The following RBFOX1 variants were observed in gnomAD, a reference collection of about 807,000 sequenced individuals.
RBFOX1 encodes RNA binding protein fox-1 homolog 1.
RBFOX1 carries 8 observed loss-of-function variants against 57.7 expected under a neutral mutation model. The ratio of observed to expected loss-of-function variants is 0.14; its 90% CI spans 0.08 to 0.25. The LOEUF is 0.25. Among genes scored for constraint, RBFOX1 ranks in the 10% least tolerant of loss-of-function variants. The pLI is 1.00. For synonymous variants in RBFOX1, 326 were observed against 222.4 expected, an observed-to-expected ratio of 1.47 and a Z score of -4.15; for missense variants, 611 against 548.5, an observed-to-expected ratio of 1.11 and a Z score of -1.14.
chr16:6,435,408 C>T (rs1347701314), intron 2 of RBFOX1, among the ~76,000 whole-genome samples: 3 of 152,078 alleles, frequency 2.0e-5, no homozygotes, highest in African/African-American at 7.2e-5. Context: ...TAAAGTGATT[C>T]TCCTGCCTCA....
intron 3 of RBFOX1, among the ~76,000 whole-genome samples, chr16:6,771,704 A>G (rs1037074424): frequency 1.8e-4 from 28 of 152,334 alleles, no homozygotes; most frequent in African/African-American, 3.6e-4. Flanking sequence ...GCAAGGCACT[A>G]TAATGCTACT....
rs549663061 is a variant in RBFOX1 at position 5,502,331 on chromosome 16, C to A, written c.258+35077C>A. Among the ~76,000 whole-genome samples, 4 of 152,186 alleles carry A rather than the reference C, an allele frequency of 2.6e-5. No homozygotes were observed. In the South Asian group the frequency reaches 8.3e-4, roughly 32 times the overall value. The stretch of plus-strand genomic sequence containing the variant: ...GTGTGACTTCTGTGCTGGTGTGTCC[C>A]AGTGGATGGGGACACTGTAAGGGTG... On this transcript the variant is annotated intron_variant, in intron 2 of 2. Coordinates refer to the RBFOX1 transcript ENST00000585867.
At chr16:7,284,566 A>G (rs2095611673) in intron 4 of RBFOX1, among the ~76,000 whole-genome samples, 1 of 152,180 alleles carries the variant, frequency 6.6e-6, no homozygotes, top group South Asian at 2.1e-4. Flanking sequence ...CCTGGCCTCA[A>G]GCAGTCCTCC....
chr16:5,739,844 G>A (rs1469486604), intron 3 of RBFOX1, among the ~76,000 whole-genome samples: 1 of 152,202 alleles, frequency 6.6e-6, no homozygotes, highest in Admixed American at 6.5e-5. Context: ...TGCCATTTGA[G>A]CAAGCTTCAT....
intron 2 of RBFOX1, among the ~76,000 whole-genome samples, chr16:6,647,316 G>A (rs12929138): frequency 0.21 from 31,373 of 152,044 alleles, 3,288 homozygotes; most frequent in African/African-American, 0.22. Context: ...TGATCTCAGG[G>A]CTCGCTGCAA....
At chr16:5,485,296 A>AGAT (rs1395867728) in intron 2 of RBFOX1, among the ~76,000 whole-genome samples, 1 of 138,512 alleles carries the variant, frequency 7.2e-6, no homozygotes, top group Non-Finnish European at 1.5e-5. Flanking sequence ...CAGTAAGCCG[A>AGAT]GATTGCGCCA....
chr16:6,551,125 C>A (rs914171036), intron 2 of RBFOX1, among the ~76,000 whole-genome samples: 3 of 152,154 alleles, frequency 2.0e-5, no homozygotes, highest in African/African-American at 7.2e-5. Flanking sequence ...GAGCTCAACT[C>A]TCTGAGATTA....
upstream of RBFOX1, among the ~76,000 whole-genome samples, chr16:6,017,081 A>G (rs1208928567): frequency 2.0e-5 from 3 of 152,230 alleles, no homozygotes; most frequent in Non-Finnish European, 4.4e-5. Flanking sequence ...ATTTTCAGAT[A>G]GATGAATATG....
At chr16:7,174,988 C>T (rs570614683) in intron 4 of RBFOX1, among the ~76,000 whole-genome samples, 1 of 152,108 alleles carries the variant, frequency 6.6e-6, no homozygotes, top group South Asian at 2.1e-4. Flanking sequence ...TTTGCATTTT[C>T]CTGATGTCTA....
At chr16:7,241,345 C>T (rs1008290817) in intron 4 of RBFOX1, among the ~76,000 whole-genome samples, 3 of 152,070 alleles carry the variant, frequency 2.0e-5, no homozygotes, top group Non-Finnish European at 4.4e-5. Flanking sequence ...CCTCCTGGCC[C>T]GTTGGACTAT....
chr16:6,840,379 G>A (rs189255953), intron 3 of RBFOX1, among the ~76,000 whole-genome samples: 321 of 152,224 alleles, frequency 2.1e-3, no homozygotes, highest in Middle Eastern at 0.014. Context: ...GGATTCCTGC[G>A]TTGGTTCCTC....
intron 4 of RBFOX1, among the ~76,000 whole-genome samples, chr16:7,226,623 T>G (rs1319665610): frequency 6.6e-6 from 1 of 152,222 alleles, no homozygotes; most frequent in Non-Finnish European, 1.5e-5. Context: ...GCTTTCAGAG[T>G]TAACAAGTTT....
intron 2 of RBFOX1, among the ~76,000 whole-genome samples, chr16:6,424,242 C>T (rs968273494): frequency 5.9e-5 from 9 of 151,970 alleles, no homozygotes; most frequent in East Asian, 1.9e-4. Context: ...TGTTTCAAAA[C>T]GAAACAAAAC....
chr16:5,275,267 A>G (rs1596364561), intron 1 of RBFOX1, among the ~76,000 whole-genome samples: 1 of 152,304 alleles, frequency 6.6e-6, no homozygotes, highest in Non-Finnish European at 1.5e-5. Context: ...TGGGATATTG[A>G]TCACCTCAAA....
At chr16:6,717,273 GT>G (rs2065018269) in intron 3 of RBFOX1, among the ~76,000 whole-genome samples, 1 of 152,114 alleles carries the variant, frequency 6.6e-6, no homozygotes, top group Admixed American at 6.5e-5. Context: ...CATTATTTGA[GT>G]GTCAGACTTG....
intron 1 of RBFOX1, among the ~76,000 whole-genome samples, chr16:6,058,327 T>C (rs2095640001): frequency 6.6e-6 from 1 of 151,756 alleles, no homozygotes; most frequent in Non-Finnish European, 1.5e-5. Context: ...CCTCCTCTCC[T>C]TCCTCCCTCC....
At chr16:6,413,437 T>A (rs1316923491) in intron 2 of RBFOX1, among the ~76,000 whole-genome samples, 3 of 152,158 alleles carry the variant, frequency 2.0e-5, no homozygotes, top group Admixed American at 6.5e-5. Flanking sequence ...GTGCTGGGGT[T>A]ACAGGTGTGA....
chr16:6,957,554 G>C (rs2082133137), intron 3 of RBFOX1, among the ~76,000 whole-genome samples: 1 of 152,078 alleles, frequency 6.6e-6, no homozygotes, highest in African/African-American at 2.4e-5. Flanking sequence ...GATCAGAGGT[G>C]ACTCTCATCA....
chr16:5,875,779 A>G (rs145151524), intron 4 of RBFOX1, among the ~76,000 whole-genome samples: 1 of 151,862 alleles, frequency 6.6e-6, no homozygotes, highest in Admixed American at 6.6e-5. Flanking sequence ...AAATTTCTCT[A>G]CTTCTTTATT....
Sources: allele counts gnomAD v4.1 joint callset (sites outside exome capture counted in the v4.1 genomes callset), GRCh38; gene constraint gnomAD v4.1.1; transcripts MANE v1.5; gene names NCBI Gene and HGNC (gene_info 2026-07-23, HGNC 2026-07-21).